The following SLC38A6 variants were observed in gnomAD, a reference collection of about 807,000 sequenced individuals.
The protein encoded by SLC38A6 is N system amino acid transporter NAT-1.
Under a neutral mutation model 65.0 loss-of-function variants are expected in SLC38A6, and 73 were observed. That is an observed-to-expected ratio of 1.12 (90% CI 0.93 to 1.37). The LOEUF (loss-of-function observed/expected upper bound fraction) is 1.37. Ranked by LOEUF, SLC38A6 falls within the 40% of genes most tolerant of loss-of-function variation. The pLI, the probability that SLC38A6 is intolerant of heterozygous loss-of-function variation, is 0.00. For missense variants in SLC38A6, 561 were observed against 531.1 expected (o/e 1.06, Z -0.55); for synonymous variants, 183 against 178.8 (o/e 1.02, Z -0.19).
At chr14:61,002,029 G>A (rs1410821951) in intron 3 of SLC38A6, 2 of 151,944 alleles carry the variant, frequency 1.3e-5, no homozygotes, top group African/African-American at 2.4e-5. Flanking sequence ...TTATCCATAG[G>A]TTGAAGCCAA....
chr14:61,044,601 A>C (rs1020757755), intron 10 of SLC38A6, among the ~76,000 whole-genome samples: 1 of 152,170 alleles, frequency 6.6e-6, no homozygotes, highest in Non-Finnish European at 1.5e-5. Flanking sequence ...GCCTGAAGTT[A>C]GTTAAGTGGA....
At chr14:61,053,463 A>G (rs921185801), downstream of SLC38A6, among the ~76,000 whole-genome samples, 1 of 152,158 alleles carries the variant, frequency 6.6e-6, no homozygotes, top group Non-Finnish European at 1.5e-5. Flanking sequence ...AGGAATCACC[A>G]TAGTGCTTCC....
chr14:61,016,724 T>A (rs1392765937), intron 4 of SLC38A6, among the ~76,000 whole-genome samples: 1 of 152,226 alleles, frequency 6.6e-6, no homozygotes, highest in African/African-American at 2.4e-5. Flanking sequence ...TCATTTTGGC[T>A]CCAAACAGGA....
chr14:61,044,279 C>T (rs1328445348), intron 10 of SLC38A6, among the ~76,000 whole-genome samples: 2 of 152,110 alleles, frequency 1.3e-5, no homozygotes, highest in Non-Finnish European at 2.9e-5. Context: ...GGTTACTCCA[C>T]CATGCAGAAT....
At chr14:61,026,157 A>G (rs1314922296) in intron 5 of SLC38A6, among the ~76,000 whole-genome samples, 1 of 152,066 alleles carries the variant, frequency 6.6e-6, no homozygotes, top group African/African-American at 2.4e-5. Flanking sequence ...TGTTTTTTTT[A>G]AGTTTGTATG....
chr14:61,079,120 TC>T (rs2043541810), intron 16 of SLC38A6, among the ~76,000 whole-genome samples: 1 of 145,772 alleles, frequency 6.9e-6, no homozygotes, highest in Non-Finnish European at 1.5e-5. Context: ...TCCTATGAGT[TC>T]CTGCCTCCAA....
intron 5 of SLC38A6, among the ~76,000 whole-genome samples, chr14:61,019,841 T>C (rs12880818): frequency 0.012 from 1,836 of 152,224 alleles, 15 homozygotes; most frequent in Non-Finnish European, 0.021. Flanking sequence ...ACATTGGCTT[T>C]CTGTGATTCT....
chr14:61,003,528 G>T (rs2038854873), intron 3 of SLC38A6, among the ~76,000 whole-genome samples: 1 of 152,056 alleles, frequency 6.6e-6, no homozygotes. Flanking sequence ...ATATTTTAAA[G>T]GTTCATTGTT....
In SLC38A6 at chr14:61,046,155, C is replaced by G. The variant is rs1041502889; in HGVS notation, c.913C>G (p.Leu305Val). ...TTTTATATCTGCACTCTTTGGGTAC[C>G]TCACTTTTTATGGTAAGTACATTTT... ...IYFISALFGY[L>V]TFYDKVESEL... is the part of the protein sequence containing the mutation. The change falls in exon 12 of 16, where the codon CTC (leucine) becomes GTC (valine). Residue 305 changes from leucine to valine, a missense_variant. Transcript: ENST00000267488. The G allele has an allele frequency of 1.9e-6, 3 of 1,593,964 alleles. No homozygotes were observed. The highest frequency in any genetic ancestry group is 2.7e-5 in the African/African-American group (2 of 74,356).
At chr14:61,028,629 T>G (rs565784988) in intron 5 of SLC38A6, among the ~76,000 whole-genome samples, 10 of 152,188 alleles carry the variant, frequency 6.6e-5, no homozygotes, top group Non-Finnish European at 1.2e-4. Context: ...ACCCCATAAC[T>G]AAAAGATTTT....
chr14:61,072,207 CTTTTA>C (rs980852156), intron 15 of SLC38A6, among the ~76,000 whole-genome samples: 13 of 152,092 alleles, frequency 8.5e-5, no homozygotes, highest in African/African-American at 2.9e-4. Context: ...TCCAAAGGCA[CTTTTA>C]TTTTATTTTA....
downstream of SLC38A6, among the ~76,000 whole-genome samples, chr14:61,053,209 AT>A (rs1341479395): frequency 2.0e-5 from 3 of 152,070 alleles, no homozygotes; most frequent in East Asian, 3.9e-4. Context: ...ACATGATCTT[AT>A]TTTTTATGGC....
Position 61,030,427 on chromosome 14 carries a change from CTA to C in SLC38A6, c.404-16_404-15del, listed in dbSNP as rs757536618. On this transcript the variant is annotated splice_polypyrimidine_tract_variant and intron_variant, in intron 5 of 15. Transcript: ENST00000267488. Reference sequence around the variant, plus strand: ...GAATCATAGAATTCTAATAGGAACACTATTTATTCTTTTGCAGCTATGTCATC... The same window carrying C: ...GAATCATAGAATTCTAATAGGAACACTTTATTCTTTTGCAGCTATGTCATC... The C allele has an allele frequency of 3.5e-5, 54 of 1,562,694 alleles. No homozygotes were observed. Among genetic ancestry groups the C allele is most frequent in the Admixed American group, 1.4e-4 (8 of 55,878 alleles).
At chr14:60,996,875 T>C (rs745968754) in intron 3 of SLC38A6, among the ~76,000 whole-genome samples, 2 of 152,186 alleles carry the variant, frequency 1.3e-5, no homozygotes, top group African/African-American at 2.4e-5. Flanking sequence ...GATTTTAATA[T>C]AGAATTCTAT....
At chr14:61,009,098 C>A (rs1391586468) in intron 3 of SLC38A6, among the ~76,000 whole-genome samples, 4 of 152,160 alleles carry the variant, frequency 2.6e-5, no homozygotes, top group Non-Finnish European at 5.9e-5. Flanking sequence ...AAGGTTACTT[C>A]TTTAAATTTA....
chr14:60,988,639 C>T (rs187878112), intron 3 of SLC38A6, among the ~76,000 whole-genome samples: 1 of 152,332 alleles, frequency 6.6e-6, no homozygotes, highest in East Asian at 1.9e-4. Flanking sequence ...AACTCACCCT[C>T]TCAAGTACTT....
chr14:60,986,012 G>A (rs1295447692), intron 3 of SLC38A6, among the ~76,000 whole-genome samples: 1 of 152,188 alleles, frequency 6.6e-6, no homozygotes, highest in Non-Finnish European at 1.5e-5. Context: ...GAGGGATCTG[G>A]CCCCAGGGCC....
chr14:61,060,903 C>T (rs2042811869), intron 15 of SLC38A6, among the ~76,000 whole-genome samples: 2 of 144,630 alleles, frequency 1.4e-5, no homozygotes, highest in Non-Finnish European at 3.0e-5. Context: ...GTCCGTCACC[C>T]CTTTCTTTGA....
intron 5 of SLC38A6, among the ~76,000 whole-genome samples, chr14:61,022,231 A>G (rs899960764): frequency 2.6e-5 from 4 of 152,130 alleles, no homozygotes; most frequent in Non-Finnish European, 4.4e-5. Context: ...ATCAATAACT[A>G]TTGCCCTAAA....
Sources: gnomAD v4.1 joint callset for allele counts (sites outside exome capture counted in the v4.1 genomes callset) on GRCh38, gnomAD v4.1.1 for gene constraint, MANE v1.5 for transcripts, NCBI Gene and HGNC (gene_info 2026-07-23, HGNC 2026-07-21) for gene names.